Variants in CHST11 observed in about 807,000 individuals in gnomAD.
The protein encoded by CHST11 is carbohydrate sulfotransferase 11.
A neutral mutation model predicts 30.4 loss-of-function variants in CHST11; 9 were observed. That is an observed-to-expected ratio of 0.30 (90% CI 0.18 to 0.52). The LOEUF (loss-of-function observed/expected upper bound fraction) is 0.52, where lower values mean the gene tolerates loss of function less well. CHST11 is among the 20% of genes least tolerant of loss of function. The probability of loss-of-function intolerance (pLI) is 0.97; values close to 1 mark genes in which losing one functional copy is unlikely to be tolerated. For synonymous variants in CHST11, 152 were observed against 187.8 expected, an observed-to-expected ratio of 0.81 and a Z score of 1.56; for missense variants, 348 against 460.6, an observed-to-expected ratio of 0.76 and a Z score of 2.24.
intron 1 of CHST11, among the ~76,000 whole-genome samples, chr12:104,513,431 G>A (rs1422665624): frequency 6.6e-6 from 1 of 152,226 alleles, no homozygotes; most frequent in Non-Finnish European, 1.5e-5. Context: ...ATTCCAGAAC[G>A]TTTGTGAAAT....
intron 2 of CHST11, among the ~76,000 whole-genome samples, chr12:104,620,189 C>G (rs1189525600): frequency 1.3e-5 from 2 of 152,328 alleles, no homozygotes; most frequent in East Asian, 1.9e-4. Context: ...TGGTGCCCCC[C>G]CAACTTTCTT....
At chr12:104,556,477 T>C (rs775652998) in intron 1 of CHST11, among the ~76,000 whole-genome samples, 1 of 152,114 alleles carries the variant, frequency 6.6e-6, no homozygotes, top group Non-Finnish European at 1.5e-5. Flanking sequence ...GCTCGAAGTC[T>C]GAGATGAAGG....
intron 1 of CHST11, among the ~76,000 whole-genome samples, chr12:104,519,691 T>A (rs2038057934): frequency 6.6e-6 from 1 of 152,190 alleles, no homozygotes; most frequent in Non-Finnish European, 1.5e-5. Flanking sequence ...AATTACTGGT[T>A]GAGGCTTGAT....
chr12:104,481,966 T>C (rs1473519123), intron 1 of CHST11, among the ~76,000 whole-genome samples: 1 of 151,434 alleles, frequency 6.6e-6, no homozygotes, highest in African/African-American at 2.4e-5. Flanking sequence ...GCCTCCCGAG[T>C]AGCTGGGATT....
intron 1 of CHST11, among the ~76,000 whole-genome samples, chr12:104,579,379 A>G (rs1211717992): frequency 2.0e-5 from 3 of 152,062 alleles, no homozygotes; most frequent in African/African-American, 7.2e-5. Flanking sequence ...CCCAGCCTCC[A>G]TTTTTGTTGC....
chr12:104,523,587 G>C (rs1236394419), intron 1 of CHST11, among the ~76,000 whole-genome samples: 2 of 152,132 alleles, frequency 1.3e-5, no homozygotes, highest in African/African-American at 4.8e-5. Context: ...AGTGAGCCTT[G>C]GTTCCCTTAT....
At chr12:104,594,678 T>C (rs1419468820) in intron 1 of CHST11, among the ~76,000 whole-genome samples, 1 of 152,218 alleles carries the variant, frequency 6.6e-6, no homozygotes, top group Non-Finnish European at 1.5e-5. Context: ...AGAGTAGGGC[T>C]TGACGTGGTG....
At chr12:104,544,647 C>T (rs1345940947) in intron 1 of CHST11, among the ~76,000 whole-genome samples, 1 of 147,030 alleles carries the variant, frequency 6.8e-6, no homozygotes, top group Non-Finnish European at 1.5e-5. Context: ...GCGGAGGTTG[C>T]AGTGAGCTGA....
intron 1 of CHST11, among the ~76,000 whole-genome samples, chr12:104,497,607 C>T (rs958339697): frequency 2.6e-5 from 4 of 152,194 alleles, no homozygotes; most frequent in African/African-American, 7.2e-5. Flanking sequence ...GTTTTCTCTA[C>T]ACTGTTTCCT....
At chr12:104,513,123 T>TGGTGGGG in intron 1 of CHST11, among the ~76,000 whole-genome samples, 1 of 3,388 alleles carries the variant, frequency 3.0e-4, no homozygotes, top group African/African-American at 1.5e-3. Context: ...ATGTCATGAC[T>TGGTGGGG]GGGGGGGGGG....
intron 1 of CHST11, among the ~76,000 whole-genome samples, chr12:104,461,663 C>T (rs1335202714): frequency 6.6e-6 from 1 of 152,290 alleles, no homozygotes; most frequent in African/African-American, 2.4e-5. Flanking sequence ...TGCTTCCTCT[C>T]TATTATTTTT....
chr12:104,483,547 C>T (rs750269230), intron 1 of CHST11, among the ~76,000 whole-genome samples: 4 of 152,166 alleles, frequency 2.6e-5, no homozygotes, highest in Non-Finnish European at 4.4e-5. Context: ...CTCCATTTGT[C>T]CATGCAGCAA....
intron 1 of CHST11, among the ~76,000 whole-genome samples, chr12:104,511,742 A>C (rs2037967887): frequency 6.6e-6 from 1 of 152,196 alleles, no homozygotes; most frequent in Non-Finnish European, 1.5e-5. Flanking sequence ...GAGACTAGGC[A>C]CACTATCACT....
At chr12:104,692,060 C>T (rs2039901434) in intron 2 of CHST11, among the ~76,000 whole-genome samples, 2 of 152,250 alleles carry the variant, frequency 1.3e-5, no homozygotes, top group Non-Finnish European at 2.9e-5. Flanking sequence ...CTTTTAAATA[C>T]ATACAATTGA....
intron 2 of CHST11, among the ~76,000 whole-genome samples, chr12:104,688,350 C>T (rs2039867772): frequency 6.6e-6 from 1 of 151,974 alleles, no homozygotes; most frequent in Non-Finnish European, 1.5e-5. Context: ...GGGCGCCACT[C>T]CACCCATTTT....
intron 1 of CHST11, among the ~76,000 whole-genome samples, chr12:104,544,438 C>T (rs890689918): frequency 2.6e-5 from 4 of 151,918 alleles, no homozygotes; most frequent in Admixed American, 6.6e-5. Flanking sequence ...AAATTTGGGC[C>T]GGGCACGGTG....
At chr12:104,746,754 G>A (rs1031686009) in intron 2 of CHST11, among the ~76,000 whole-genome samples, 5 of 152,226 alleles carry the variant, frequency 3.3e-5, no homozygotes, top group South Asian at 2.1e-4. Flanking sequence ...AACCCTTTAC[G>A]TTTTGTACCA....
rs1054941388 is a variant in CHST11 at position 104,600,296 on chromosome 12, A to C, written c.119-1610A>C. On this transcript the variant is annotated intron_variant, in intron 1 of 2. Coordinates refer to ENST00000303694, the MANE Select transcript of CHST11 (RefSeq NM_018413.6). This position sits in a 1 kb window ranked among gnomAD's most constrained non-coding sequence, Gnocchi z 4.1. Reference sequence around the variant, plus strand: ...CCTGACCTCAGATTGACTTCTAAGCAGAGGTCCCTGGGCTAACCCCCTGCA... The same window carrying C: ...CCTGACCTCAGATTGACTTCTAAGCCGAGGTCCCTGGGCTAACCCCCTGCA... Among the ~76,000 whole-genome samples, 4 of 152,258 alleles carry C rather than the reference A, an allele frequency of 2.6e-5. No individual in the cohort carries two copies. The East Asian group carries it at 7.7e-4, about 29-fold the overall frequency.
At chr12:104,623,407 G>C (rs1242274919) in intron 2 of CHST11, among the ~76,000 whole-genome samples, 1 of 152,194 alleles carries the variant, frequency 6.6e-6, no homozygotes, top group Non-Finnish European at 1.5e-5. Flanking sequence ...CAGGCCACCC[G>C]TGGTAGATAA....
Sources: gnomAD v4.1 joint callset for allele counts (sites outside exome capture counted in the v4.1 genomes callset) on GRCh38, gnomAD v4.1.1 for gene constraint, Gnocchi (gnomAD v3.1) non-coding constraint, MANE v1.5 for transcripts, NCBI Gene and HGNC (gene_info 2026-07-23, HGNC 2026-07-21) for gene names.